CWH43: variants seen among roughly 807,000 people sequenced by gnomAD.
CWH43 encodes cell wall biogenesis 43 C-terminal homolog, also known as PGAP2-interacting protein.
Under a neutral mutation model 85.7 loss-of-function variants are expected in CWH43, and 91 were observed. That is an observed-to-expected ratio of 1.06 (90% CI 0.90 to 1.26). The LOEUF (loss-of-function observed/expected upper bound fraction) is 1.26. CWH43 is among the 50% of genes most tolerant of loss of function. CWH43 has a pLI of 0.00. For synonymous variants in CWH43, 323 were observed against 293.6 expected (o/e 1.10, Z -1.02); for missense variants, 869 against 839.2 (o/e 1.04, Z -0.44).
chr4:48,986,594 A>C lies in CWH43; in HGVS notation c.43+122A>C, dbSNP rs973060147. ...GAGGAAAAGGGCGCTCCGTGCCCAG[A>C]GTGGAGATGCTTATCGTCCCCTGGG... On this transcript the variant is annotated intron_variant, in intron 1 of 15. Transcript: ENST00000226432. The C allele has an allele frequency of 2.1e-5, 31 of 1,505,440 alleles. No individual in the cohort carries two copies. The Admixed American group carries it at 5.0e-4, about 24-fold the overall frequency. 93.3% of individuals were successfully genotyped at this position (1,505,440 alleles called of 1,614,324 possible). A position where few individuals can be genotyped will look rare whatever the true frequency, so the allele number is the denominator to read the frequency against.
chr4:49,023,372 AATTTTT>A (rs1431751345), intron 9 of CWH43, among the ~76,000 whole-genome samples: 2 of 151,970 alleles, frequency 1.3e-5, no homozygotes, highest in Non-Finnish European at 2.9e-5. Flanking sequence ...GTTGATTTCC[AATTTTT>A]ATTTTTATTT....
rs1328538607 is a variant in CWH43, at chr4:49,038,245, TA to T, written c.1803+72del. 6.4e-6 allele frequency: 9 copies of T among 1,397,306 alleles called. No individual in the cohort carries two copies. The African/African-American group carries it at 8.8e-5, about 14-fold the overall frequency. The allele number at this position is 1,397,306 out of a possible 1,614,324, so 86.6% of individuals were successfully genotyped here. A position where few individuals can be genotyped will look rare whatever the true frequency, so the allele number is the denominator to read the frequency against. ...AACATTTCTTTTTCTTTCATGTTTT[TA>T]AAAAAACCAACCTCACCTAAAAATT... On this transcript the variant is annotated intron_variant, in intron 13 of 15. Coordinates refer to ENST00000226432, the MANE Select transcript of CWH43 (RefSeq NM_025087.3).
intron 4 of CWH43, among the ~76,000 whole-genome samples, chr4:48,993,481 C>T (rs1782718423): frequency 6.6e-6 from 1 of 152,160 alleles, no homozygotes; most frequent in Non-Finnish European, 1.5e-5. Context: ...GCCAGCCATA[C>T]TGTCAGACCC....
In CWH43 at chr4:48,992,721, T is replaced by C. The variant is rs1782696158; in HGVS notation, c.511+631T>C. On this transcript the variant is annotated intron_variant, in intron 4 of 15. Coordinates refer to ENST00000226432, the MANE Select transcript of CWH43 (RefSeq NM_025087.3). The surrounding 1 kb of genome is among the most constrained non-coding windows in gnomAD (Gnocchi z 4.3). ...AGAAGGGAGAGGTATTAGTGGATTCTAGTTAACGTGCTCCTAGCTTTTTGT... is the reference window on the plus strand; with the variant it reads ...AGAAGGGAGAGGTATTAGTGGATTCCAGTTAACGTGCTCCTAGCTTTTTGT... 6.6e-6 allele frequency among the ~76,000 whole-genome samples: 1 copy of C among 152,212 alleles called. No individual in the cohort carries two copies. Among genetic ancestry groups the C allele is most frequent in the South Asian group, 2.1e-4 (1 of 4,824 alleles).
At position 49,028,656 on chromosome 4, in the gene CWH43, A is replaced by G; in HGVS notation, c.1294A>G (p.Ile432Val). Residue 432 changes from isoleucine (I) to valine (V), a missense_variant, in exon 10 of 16, where the codon ATC becomes GTC. Physicochemically the swap from Ile to Val is conservative, Grantham distance 29. Around this residue, in one of 3 missense-constraint regions of CWH43, gnomAD observed 577 missense variants for 513.1 expected, o/e 1.12. Coordinates refer to ENST00000226432, the MANE Select transcript of CWH43 (RefSeq NM_025087.3). ...ACCAACCAAAGAGGTCTCTGCTGCC[A>G]TCTGGCCTTTCAGGTTTGGATATGA... ...VAPTKEVSAAIWPFRFGYDNE... is the reference protein window; with the variant it reads ...VAPTKEVSAAVWPFRFGYDNE... 2 of 1,613,848 alleles carry G rather than the reference A, an allele frequency of 1.2e-6. No individual in the cohort carries two copies. The highest frequency in any genetic ancestry group is 1.1e-5 in the South Asian group (1 of 91,040).
chr4:49,020,767 G>A (rs1577680165), intron 9 of CWH43, among the ~76,000 whole-genome samples: 1 of 152,128 alleles, frequency 6.6e-6, no homozygotes, highest in Non-Finnish European at 1.5e-5. Context: ...GAGTAAGGTA[G>A]TATCACATTG....
At chr4:49,019,961 C>T (rs540390931) in intron 9 of CWH43, among the ~76,000 whole-genome samples, 4 of 152,052 alleles carry the variant, frequency 2.6e-5, no homozygotes, top group South Asian at 2.1e-4. Context: ...TTAGTGCACC[C>T]GTCACCCAAG....
chr4:49,048,300 T>C (rs769965252), intron 14 of CWH43, among the ~76,000 whole-genome samples: 8 of 151,530 alleles, frequency 5.3e-5, no homozygotes, highest in Non-Finnish European at 1.2e-4. Flanking sequence ...ACACACTCTG[T>C]GTGTGTATAT....
chr4:49,020,924 T>C (rs1310504101), intron 9 of CWH43, among the ~76,000 whole-genome samples: 1 of 152,182 alleles, frequency 6.6e-6, no homozygotes, highest in Non-Finnish European at 1.5e-5. Flanking sequence ...CTTGCTGATT[T>C]GTTTGAATTC....
rs190959278 is a variant in CWH43, at chr4:49,017,124, C to A, written c.1187-125C>A. Reference sequence around the variant, plus strand: ...TCTTCCACCCATTCATCTTCCAGGTCCTCCAAGAAGAACTTCCTGGAGGGT... The same window carrying A: ...TCTTCCACCCATTCATCTTCCAGGTACTCCAAGAAGAACTTCCTGGAGGGT... On this transcript the variant is annotated intron_variant, in intron 8 of 15. Coordinates refer to ENST00000226432, the MANE Select transcript of CWH43 (RefSeq NM_025087.3). 318 of 804,294 alleles carry A rather than the reference C, an allele frequency of 4.0e-4. No homozygotes were observed. In the Middle Eastern group the frequency reaches 4.6e-3, roughly 12 times the overall value. 49.8% of individuals were successfully genotyped at this position (804,294 alleles called of 1,614,324 possible).
intron 1 of CWH43, 56 bp from the exon 2 acceptor site, chr4:48,988,421 G>T (rs550261817): frequency 1.4e-6 from 2 of 1,397,068 alleles, no homozygotes; most frequent in Non-Finnish European, 1.9e-6. Context: ...CAGGACTGTC[G>T]TTAGAAACAA....
chr4:49,058,214 A>C (rs1455298025), intron 15 of CWH43, among the ~76,000 whole-genome samples: 1 of 152,122 alleles, frequency 6.6e-6, no homozygotes, highest in Non-Finnish European at 1.5e-5. Flanking sequence ...TTTTTTGGTA[A>C]CAGTATGCTT....
intron 14 of CWH43, among the ~76,000 whole-genome samples, chr4:49,046,025 C>T (rs1784611471): frequency 6.6e-6 from 1 of 152,086 alleles, no homozygotes; most frequent in South Asian, 2.1e-4. Flanking sequence ...TGTTCTCCCC[C>T]ATTGCTGGTA....
chr4:49,059,962 C>A (rs1785095179), intron 15 of CWH43, among the ~76,000 whole-genome samples: 1 of 152,086 alleles, frequency 6.6e-6, no homozygotes, highest in African/African-American at 2.4e-5. Flanking sequence ...GAGCCTAGGC[C>A]TCCTATGTTA....
rs768500194 is a variant in CWH43, at chr4:49,061,796, T to C, written c.2022-16T>C. On this transcript the variant is annotated splice_polypyrimidine_tract_variant and intron_variant, in intron 15 of 15. Coordinates refer to ENST00000226432, the MANE Select transcript of CWH43 (RefSeq NM_025087.3). ...TTACATGCCAATAACTTTTTATTTA[T>C]TTTTTATTTTTTTAGATTTGGATCC... 56 of 1,354,318 alleles carry C rather than the reference T, an allele frequency of 4.1e-5. No homozygotes were observed. In the East Asian group the frequency reaches 1.5e-3, roughly 37 times the overall value. 83.9% of individuals were successfully genotyped at this position (1,354,318 alleles called of 1,614,324 possible). A position where few individuals can be genotyped will look rare whatever the true frequency, so the allele number is the denominator to read the frequency against.
chr4:49,003,012 A>C (rs1176629648), intron 6 of CWH43, among the ~76,000 whole-genome samples: 1 of 152,222 alleles, frequency 6.6e-6, no homozygotes, highest in Admixed American at 6.5e-5. Flanking sequence ...TGATGGTCCC[A>C]AGATGGAGTG....
intron 13 of CWH43, among the ~76,000 whole-genome samples, chr4:49,039,802 T>A (rs1577699740): frequency 1.3e-5 from 2 of 152,002 alleles, no homozygotes; most frequent in African/African-American, 2.4e-5. Flanking sequence ...TGTGCAGGTT[T>A]GTTACATATG....
chr4:49,044,922 G>T (rs751425630), intron 14 of CWH43, 75 bp downstream of exon 14: 38 of 1,147,828 alleles, frequency 3.3e-5, no homozygotes, highest in Admixed American at 1.1e-4. Flanking sequence ...GAAGGAAAAA[G>T]AACTTTATGG....
At position 48,992,240 on chromosome 4, in the gene CWH43, A is replaced by T; in HGVS notation, c.511+150A>T. 1 of 712,186 alleles carries T rather than the reference A, an allele frequency of 1.4e-6. No individual in the cohort carries two copies. The allele number at this position is 712,186 out of a possible 1,614,324, so 44.1% of individuals were successfully genotyped here. On this transcript the variant is annotated intron_variant, in intron 4 of 15. Transcript: ENST00000226432. The surrounding 1 kb of genome is among the most constrained non-coding windows in gnomAD (Gnocchi z 4.3). ...CTTCCTCTGAAATAATAATTGGTGC[A>T]GCCAGTGGGCTATTTGCTAAGCAGG...
Sources: allele counts gnomAD v4.1 joint callset (sites outside exome capture counted in the v4.1 genomes callset), GRCh38; gene constraint gnomAD v4.1.1; regional missense constraint gnomAD v4.1.1; non-coding constraint Gnocchi (gnomAD v3.1); transcripts MANE v1.5; gene names NCBI Gene and HGNC (gene_info 2026-07-23, HGNC 2026-07-21).